Variants in USP28 observed in about 807,000 individuals in gnomAD.
USP28 encodes ubiquitin carboxyl-terminal hydrolase 28.
A neutral mutation model predicts 145.0 loss-of-function variants in USP28; 113 were observed. The observed-to-expected ratio is 0.78, with a 90% CI of 0.67 to 0.91. The LOEUF is 0.91. Ranked by LOEUF, USP28 falls within the 40% of genes least tolerant of loss-of-function variation. USP28 has a pLI of 0.00. For missense variants in USP28, 1,201 were observed against 1,289.6 expected, an observed-to-expected ratio of 0.93 and a Z score of 1.05; for synonymous variants, 447 against 450.9, an observed-to-expected ratio of 0.99 and a Z score of 0.11.
chr11:113,866,295 GA>G lies in USP28; in HGVS notation c.57+9149del, dbSNP rs1198776273. Among the ~76,000 whole-genome samples, 6 of 149,782 alleles carry G rather than the reference GA, an allele frequency of 4.0e-5. No homozygotes were observed. In the East Asian group the frequency reaches 1.2e-3, roughly 29 times the overall value. On this transcript the variant is annotated intron_variant, in intron 1 of 24. Transcript: ENST00000003302. ...TGACAGAGCCAGACTCTGTCTTGGGGAAAAAAAAAGAAAAAAGAAATACACA... is the reference window on the plus strand; with the variant it reads ...TGACAGAGCCAGACTCTGTCTTGGGGAAAAAAAAGAAAAAAGAAATACACA...
chr11:113,813,788 G>A (rs1035212017), intron 15 of USP28, 97 bp downstream of exon 15: 1 of 880,180 alleles, frequency 1.1e-6, no homozygotes, highest in South Asian at 1.5e-5. Flanking sequence ...TATCTTAGGG[G>A]GATTCCCATT....
At chr11:113,855,351 AAAC>A (rs5794886) in intron 1 of USP28, among the ~76,000 whole-genome samples, 9,821 of 152,300 alleles carry the variant, frequency 0.064, 423 homozygotes, top group Non-Finnish European at 0.089. Context: ...AGCTCAATCT[AAAC>A]AACTGGCTGG....
At chr11:113,801,379 G>T in intron 24 of USP28, 104 bp downstream of exon 25, 1 of 846,686 alleles carries the variant, frequency 1.2e-6, no homozygotes, top group Non-Finnish European at 1.8e-6. Flanking sequence ...ATGCTAGAAG[G>T]TTCCAATTCC....
intron 3 of USP28, among the ~76,000 whole-genome samples, chr11:113,845,880 C>T (rs1439630412): frequency 6.6e-6 from 1 of 152,300 alleles, no homozygotes; most frequent in East Asian, 1.9e-4. Context: ...CGGACTAAAA[C>T]AGGGTCTTGT....
chr11:113,823,811 T>TA (rs1276491674), intron 11 of USP28, 111 bp from the exon 12 acceptor site: 2 of 769,312 alleles, frequency 2.6e-6, no homozygotes, highest in African/African-American at 3.6e-5. Flanking sequence ...AGGGCATCTA[T>TA]AAAAAACATA....
chr11:113,819,141 C>G (rs1202090294), intron 12 of USP28, among the ~76,000 whole-genome samples: 2 of 147,922 alleles, frequency 1.4e-5, no homozygotes, highest in African/African-American at 5.0e-5. Flanking sequence ...GAGACAGAGT[C>G]TCATTTTGTC....
intron 1 of USP28, among the ~76,000 whole-genome samples, chr11:113,867,807 G>A (rs1320316073): frequency 1.4e-5 from 2 of 147,312 alleles, no homozygotes; most frequent in Non-Finnish European, 3.0e-5. Flanking sequence ...AGGAAGGGGG[G>A]AGGGAGGGAG....
In USP28 at chr11:113,841,649, G is replaced by A. The variant is rs377025268; in HGVS notation, c.374+14C>T. 38 of 1,571,820 alleles carry A rather than the reference G, an allele frequency of 2.4e-5. No individual in the cohort carries two copies. The Middle Eastern group carries it at 5.0e-4, about 21-fold the overall frequency. ...CAAATGTGGGGGGCAAGAATTATAA[G>A]TTAAATCAATAACCTGTTAAGATCT... On this transcript the variant is annotated intron_variant, in intron 4 of 24. Coordinates refer to ENST00000003302, the Ensembl canonical transcript of USP28.
intron 14 of USP28, among the ~76,000 whole-genome samples, chr11:113,814,791 A>G (rs564160775): frequency 6.6e-6 from 1 of 152,150 alleles, no homozygotes; most frequent in East Asian, 1.9e-4. Flanking sequence ...GCTCACACCT[A>G]TAATCCCAGC....
chr11:113,847,795 T>C (rs577038753), intron 3 of USP28, among the ~76,000 whole-genome samples: 8 of 152,302 alleles, frequency 5.3e-5, no homozygotes, highest in African/African-American at 1.7e-4. Flanking sequence ...CTCAGTGAAA[T>C]AGACACTGGC....
chr11:113,865,669 A>AC (rs1287692448), intron 1 of USP28, among the ~76,000 whole-genome samples: 1 of 152,212 alleles, frequency 6.6e-6, no homozygotes, highest in Non-Finnish European at 1.5e-5. Context: ...CTGGACCCCT[A>AC]CCTCACACAA....
At chr11:113,827,028 G>A (rs1220273748) in intron 11 of USP28, among the ~76,000 whole-genome samples, 1 of 151,376 alleles carries the variant, frequency 6.6e-6, no homozygotes, top group Non-Finnish European at 1.5e-5. Context: ...TTCACCTAAA[G>A]TCTTGCTTCC....
chr11:113,826,901 A>G (rs946410698), intron 11 of USP28, among the ~76,000 whole-genome samples: 1 of 150,480 alleles, frequency 6.6e-6, no homozygotes, highest in African/African-American at 2.5e-5. Context: ...CCTGGGCAAC[A>G]AGAGCAAAAC....
At chr11:113,858,754 C>T (rs991621750) in intron 1 of USP28, among the ~76,000 whole-genome samples, 2 of 152,138 alleles carry the variant, frequency 1.3e-5, no homozygotes, top group African/African-American at 2.4e-5. Context: ...GGATTATAGG[C>T]ACCCACCACC....
intron 6 of USP28, 145 bp from the exon 7 acceptor site, chr11:113,833,702 G>A (rs1399407729): frequency 2.7e-6 from 2 of 729,348 alleles, no homozygotes; most frequent in Admixed American, 5.7e-5. Context: ...TGTGTTACAG[G>A]GACTCTGGTA....
intron 1 of USP28, among the ~76,000 whole-genome samples, chr11:113,858,045 T>C (rs1250146482): frequency 6.6e-6 from 1 of 152,070 alleles, no homozygotes; most frequent in African/African-American, 2.4e-5. Flanking sequence ...TTCCTATTTT[T>C]AGTAGACATG....
intron 1 of USP28, among the ~76,000 whole-genome samples, chr11:113,872,411 C>T (rs1207193081): frequency 1.3e-5 from 2 of 151,044 alleles, no homozygotes; most frequent in South Asian, 2.1e-4. Context: ...GGCATGAACC[C>T]GGGGGGCGGA....
In USP28 at chr11:113,826,336, CAT is replaced by C. The variant is rs1491447320; in HGVS notation, c.1187+895_1187+896del. Among the ~76,000 whole-genome samples, 213 of 115,190 alleles carry C rather than the reference CAT, an allele frequency of 1.8e-3. 5 individuals are homozygous for C. The highest frequency in any genetic ancestry group is 6.0e-3 in the African/African-American group (189 of 31,710). The allele number at this position is 115,190 out of a possible 152,430, so 75.6% of individuals were successfully genotyped here. A position where few individuals can be genotyped will look rare whatever the true frequency, so the allele number is the denominator to read the frequency against. On this transcript the variant is annotated intron_variant, in intron 11 of 24. Coordinates refer to ENST00000003302, the Ensembl canonical transcript of USP28. Reference sequence around the variant, plus strand: ...GAAAAGAAAATCAAGCCACCACACCCATTTTTTTTTTTTTTTTTTTTTTTTTT... The same window carrying C: ...GAAAAGAAAATCAAGCCACCACACCCTTTTTTTTTTTTTTTTTTTTTTTTT...
chr11:113,821,091 TG>T (rs1415269909), intron 12 of USP28: 2 of 243,878 alleles, frequency 8.2e-6, no homozygotes, highest in Admixed American at 8.7e-5. Context: ...GTGAGGGACT[TG>T]GGATGAAAGT....
Sources: allele counts gnomAD v4.1 joint callset (sites outside exome capture counted in the v4.1 genomes callset), GRCh38; gene constraint gnomAD v4.1.1; transcripts MANE v1.5; gene names NCBI Gene and HGNC (gene_info 2026-07-23, HGNC 2026-07-21).